Variants in SLC25A34 observed in about 807,000 individuals in gnomAD.
SLC25A34 encodes solute carrier family 25, member 34.
Under a neutral mutation model 28.1 loss-of-function variants are expected in SLC25A34, and 26 were observed. The observed-to-expected ratio is 0.93, with a 90% CI of 0.68 to 1.28. SLC25A34 has a LOEUF of 1.28. Among genes scored for constraint, SLC25A34 ranks in the 50% most tolerant of loss-of-function variants. The pLI is 0.00. For missense variants in SLC25A34, 384 were observed against 409.8 expected (o/e 0.94, Z 0.54); for synonymous variants, 182 against 182.2 (o/e 1.00, Z 0.01).
Position 15,739,547 on chromosome 1 carries a change from G to A in SLC25A34, c.*141G>A, listed in dbSNP as rs2068261265. 9.9e-7 allele frequency: 1 copy of A among 1,008,914 alleles called. No individual in the cohort carries two copies. The highest frequency in any genetic ancestry group is 1.7e-5 in the African/African-American group (1 of 60,194). The allele number at this position is 1,008,914 out of a possible 1,614,324, so 62.5% of individuals were successfully genotyped here. A position where few individuals can be genotyped will look rare whatever the true frequency, so the allele number is the denominator to read the frequency against. On this transcript the variant is annotated 3_prime_UTR_variant, in exon 5 of 5. Transcript: ENST00000294454. ...TCCCGGGAGAGTGTGGACAGCTCTG[G>A]TCCATCCAGCCCCTTGGCCCACCCA...
chr1:15,738,353 C>T (rs2068246603), intron 3 of SLC25A34, 108 bp downstream of exon 3: 4 of 1,422,614 alleles, frequency 2.8e-6, no homozygotes, highest in Admixed American at 5.5e-5. Flanking sequence ...ACAGATGGGG[C>T]CCTGCCTCTG....
At chr1:15,737,856 C>CCCCT in intron 1 of SLC25A34, 73 bp from the exon 2 acceptor site, 1 of 1,549,274 alleles carries the variant, frequency 6.5e-7, no homozygotes, top group Non-Finnish European at 8.9e-7. Context: ...GGGCAGGGCG[C>CCCCT]CCTCAACACA....
In SLC25A34 at chr1:15,738,623, C is replaced by T. The variant is rs746473509; in HGVS notation, c.627C>T (p.Ala209=). 1.2e-5 allele frequency: 19 copies of T among 1,607,082 alleles called. No individual in the cohort carries two copies. In the East Asian group the frequency reaches 4.0e-4, roughly 34 times the overall value. The change falls in exon 4 of 5, where the codon GCC becomes GCT. Residue 209 remains alanine, a synonymous_variant. Transcript: ENST00000294454. Reference sequence around the variant, plus strand: ...TCCCTGAGGACAGCTGGCTGGTGGCCCTGGCTGGGGGCATGATCAGCAGCA... The same window carrying T: ...TCCCTGAGGACAGCTGGCTGGTGGCTCTGGCTGGGGGCATGATCAGCAGCA... ...QWLPEDSWLV[A]LAGGMISSIA...
chr1:15,739,209 C>T lies in SLC25A34; in HGVS notation c.733-15C>T, dbSNP rs1041751304. The T allele has an allele frequency of 6.8e-6, 11 of 1,611,064 alleles. No individual in the cohort carries two copies. Among genetic ancestry groups the T allele is most frequent in the Non-Finnish European group, 8.5e-6 (10 of 1,178,958 alleles). Reference sequence around the variant, plus strand: ...AAGGCCCCTGTAGTAACACTCACCCCATGTCTTTCCCCAGGGCCAGCTCTA... The same window carrying T: ...AAGGCCCCTGTAGTAACACTCACCCTATGTCTTTCCCCAGGGCCAGCTCTA... On this transcript the variant is annotated splice_polypyrimidine_tract_variant and intron_variant, in intron 4 of 4. Transcript: ENST00000294454.
rs1389002018 is a variant in SLC25A34, at chr1:15,739,689, G to C, written c.*283G>C. ...AGAGCCTTGCTCAGTTATAGCAACT[G>C]CTGCGGGCGTGCACATGGCATAGGC... On this transcript the variant is annotated 3_prime_UTR_variant, in exon 5 of 5. Transcript: ENST00000294454. 5 of 324,598 alleles carry C rather than the reference G, an allele frequency of 1.5e-5. No individual in the cohort carries two copies. In the South Asian group the frequency reaches 5.4e-4, roughly 35 times the overall value. The allele number at this position is 324,598 out of a possible 1,614,324, so 20.1% of individuals were successfully genotyped here.
In SLC25A34 at chr1:15,739,463, C is replaced by G. The variant is rs747395939; in HGVS notation, c.*57C>G. The G allele has an allele frequency of 2.0e-5, 29 of 1,479,800 alleles. No homozygotes were observed. The highest frequency in any genetic ancestry group is 2.6e-5 in the Non-Finnish European group (29 of 1,117,190). 91.7% of individuals were successfully genotyped at this position (1,479,800 alleles called of 1,614,324 possible). A position where few individuals can be genotyped will look rare whatever the true frequency, so the allele number is the denominator to read the frequency against. ...GCCGGCACTTGGCCGGAAGTGAGAG[C>G]CTGCTCCAGGACAACTGGCTGTCCC... On this transcript the variant is annotated 3_prime_UTR_variant, in exon 5 of 5. Transcript: ENST00000294454.
In SLC25A34 at chr1:15,739,330, C is replaced by T; in HGVS notation, c.839C>T (p.Pro280Leu). 1 of 1,610,358 alleles carries T rather than the reference C, an allele frequency of 6.2e-7. No individual in the cohort carries two copies. Among genetic ancestry groups the T allele is most frequent in the Non-Finnish European group, 8.5e-7 (1 of 1,178,646 alleles). Reference sequence around the variant, plus strand: ...GGCCCCGCCTACCTGCGCCTGGGCCCCCACACCATCCTCAGCATGCTCTTC... The same window carrying T: ...GGCCCCGCCTACCTGCGCCTGGGCCTCCACACCATCCTCAGCATGCTCTTC... ...GLGPAYLRLG[P>L]HTILSMLFWD... Residue 280 changes from proline to leucine, a missense_variant, in exon 5 of 5, where the codon CCC becomes CTC. Pro to Leu is a moderately conservative substitution (Grantham distance 98, BLOSUM62 -3). Coordinates refer to ENST00000294454, the MANE Select transcript of SLC25A34 (RefSeq NM_207348.3).
chr1:15,738,321 C>T (rs772275148), intron 3 of SLC25A34, 76 bp downstream of exon 3: 40 of 1,498,810 alleles, frequency 2.7e-5, no homozygotes, highest in East Asian at 1.6e-4. Flanking sequence ...TCCTTCCACA[C>T]GGGGAAGACC....
intron 2 of SLC25A34, 33 bp downstream of exon 2, chr1:15,738,027 G>C (rs549032562): frequency 6.2e-7 from 1 of 1,613,938 alleles, no homozygotes; most frequent in Admixed American, 1.7e-5. Context: ...CTCCCTGGGG[G>C]CATGGATTGG....
In SLC25A34 at chr1:15,736,500, C is replaced by A; in HGVS notation, c.15C>A (p.Pro5=). The A allele has an allele frequency of 6.9e-7, 1 of 1,453,044 alleles. No homozygotes were observed. Among genetic ancestry groups the A allele is most frequent in the East Asian group, 2.5e-5 (1 of 39,260 alleles). 90.0% of individuals were successfully genotyped at this position (1,453,044 alleles called of 1,614,324 possible). ...GCCCGGAGGCCATGGAGACGGTGCC[C>A]CCAGCAGTGGACCTGGTGCTGGGTG... The part of the protein sequence containing the change: METV[P]PAVDLVLGAS... The change falls in exon 1 of 5, where the codon CCC becomes CCA. Residue 5 remains proline, a synonymous_variant. Transcript: ENST00000294454.
Position 15,739,391 on chromosome 1 carries a change from G to GCACAA in SLC25A34, c.901_905dup (p.Lys302AsnfsTer98). ...TTCGGAAACTGGCTGGGCGGGCCCA[G>GCACAA]CACAAGGGCACCTAGACGACGGCCC... is the stretch of plus-strand genomic sequence containing the variant. On this transcript the variant is annotated frameshift_variant, in exon 5 of 5. Coordinates refer to ENST00000294454, the MANE Select transcript of SLC25A34 (RefSeq NM_207348.3). LOFTEE classifies it high-confidence loss of function. 3 of 1,526,594 alleles carry GCACAA rather than the reference G, an allele frequency of 2.0e-6. No homozygotes were observed. In the South Asian group the frequency reaches 3.7e-5, roughly 19 times the overall value. The allele number at this position is 1,526,594 out of a possible 1,614,324, so 94.6% of individuals were successfully genotyped here. A position where few individuals can be genotyped will look rare whatever the true frequency, so the allele number is the denominator to read the frequency against.
rs567595945 is a variant in SLC25A34, at chr1:15,738,618, G to T, written c.622G>T (p.Val208Leu). 4.5e-5 allele frequency: 72 copies of T among 1,607,632 alleles called. No individual in the cohort carries two copies. The highest frequency in any genetic ancestry group is 5.8e-5 in the Non-Finnish European group (68 of 1,178,458). Residue 208 changes from valine to leucine, a missense_variant, in exon 4 of 5, where the codon GTG (valine) becomes TTG (leucine). Val to Leu is a conservative substitution (Grantham distance 32). Coordinates refer to ENST00000294454, the MANE Select transcript of SLC25A34 (RefSeq NM_207348.3). ...QQWLPEDSWL[V>L]ALAGGMISSI... is the part of the protein sequence containing the mutation. ...GTGGCTCCCTGAGGACAGCTGGCTG[G>T]TGGCCCTGGCTGGGGGCATGATCAG...
rs1486968542 is a variant in SLC25A34, at chr1:15,741,189, A to G, written c.*1783A>G. The stretch of plus-strand genomic sequence containing the variant: ...CCCTGGGCCTTTCTCTAGACTGAGC[A>G]CCATTCCCCGTGGGTGTGCTCTCAG... On this transcript the variant is annotated 3_prime_UTR_variant, in exon 5 of 5. Transcript: ENST00000294454. 1 of 152,402 alleles carries G rather than the reference A, an allele frequency of 6.6e-6. No homozygotes were observed. The highest frequency in any genetic ancestry group is 2.4e-5 in the African/African-American group (1 of 41,408). 9.4% of individuals were successfully genotyped at this position (152,402 alleles called of 1,614,324 possible).
rs757379504 is a variant in SLC25A34, at chr1:15,738,224, G to A, written c.576G>A (p.Lys192=). ...AGCTGGCCACCTTCGCCTCTGCCAA[G>A]GCCTGGGTACAGAAGCAACAGGTGA... ...AAQLATFASA[K]AWVQKQQWLP... Residue 192 remains lysine, a synonymous_variant, in exon 3 of 5, where the codon AAG becomes AAA. Transcript: ENST00000294454. 3.7e-6 allele frequency: 6 copies of A among 1,603,166 alleles called. No individual in the cohort carries two copies. Among genetic ancestry groups the A allele is most frequent in the Admixed American group, 3.4e-5 (2 of 58,726 alleles).
At chr1:15,738,941 T>G (rs1265189727) in intron 4 of SLC25A34, 1 of 625,926 alleles carries the variant, frequency 1.6e-6, no homozygotes, top group Admixed American at 3.7e-5. Flanking sequence ...CTGGATTTTA[T>G]TCCATCCTTA....
rs200119902 is a variant in SLC25A34 at position 15,739,252 on chromosome 1, G to A, written c.761G>A (p.Cys254Tyr). The change falls in exon 5 of 5, where the codon TGC becomes TAC. Residue 254 changes from cysteine to tyrosine, a missense_variant. Coordinates refer to ENST00000294454, the MANE Select transcript of SLC25A34 (RefSeq NM_207348.3). ...CAGCTCTATGGGGGCCTCACCGACTGCATGGTGAAGATCTGGCGGCAGGAG... is the reference window on the plus strand; with the variant it reads ...CAGCTCTATGGGGGCCTCACCGACTACATGGTGAAGATCTGGCGGCAGGAG... ...RGQLYGGLTD[C>Y]MVKIWRQEGP... The A allele has an allele frequency of 1.2e-4, 191 of 1,612,452 alleles. No homozygotes were observed. The highest frequency in any genetic ancestry group is 6.7e-5 in the East Asian group (3 of 44,856).
At position 15,739,463 on chromosome 1, in the gene SLC25A34, C is replaced by T; in HGVS notation, c.*57C>T. On this transcript the variant is annotated 3_prime_UTR_variant, in exon 5 of 5. Transcript: ENST00000294454. ...GCCGGCACTTGGCCGGAAGTGAGAG[C>T]CTGCTCCAGGACAACTGGCTGTCCC... The T allele has an allele frequency of 6.8e-7, 1 of 1,479,918 alleles. No homozygotes were observed. The highest frequency in any genetic ancestry group is 9.0e-7 in the Non-Finnish European group (1 of 1,117,182). The allele number at this position is 1,479,918 out of a possible 1,614,324, so 91.7% of individuals were successfully genotyped here. A position where few individuals can be genotyped will look rare whatever the true frequency, so the allele number is the denominator to read the frequency against.
In SLC25A34 at chr1:15,736,857, T is replaced by C; in HGVS notation, c.372T>C (p.Ala124=). Residue 124 remains alanine (A), a synonymous_variant, in exon 1 of 5, where the codon GCT becomes GCC. Transcript: ENST00000294454. ...TGGGAGCCTTCGTGGGGAGCCCTGC[T>C]TACCTGGTGAGTGGCTTGTCTCCAT... ...GALGAFVGSP[A]YLIKTQLQAQ... The C allele has an allele frequency of 6.4e-7, 1 of 1,557,466 alleles. No individual in the cohort carries two copies. Among genetic ancestry groups the C allele is most frequent in the Non-Finnish European group, 8.7e-7 (1 of 1,155,050 alleles).
chr1:15,738,739 GC>G lies in SLC25A34; in HGVS notation c.732+12del. 1 of 1,559,576 alleles carries G rather than the reference GC, an allele frequency of 6.4e-7. No homozygotes were observed. On this transcript the variant is annotated intron_variant, in intron 4 of 4. Coordinates refer to ENST00000294454, the MANE Select transcript of SLC25A34 (RefSeq NM_207348.3). ...GACACAGCTGGCAGGGTGAGCAGGG[GC>G]GGGTCTAGGGGAGACCGTGGGGAGC...
Sources: allele counts gnomAD v4.1 joint callset, GRCh38; gene constraint gnomAD v4.1.1; transcripts MANE v1.5; gene names NCBI Gene and HGNC (gene_info 2026-07-23, HGNC 2026-07-21).